KPNA1: variants seen among roughly 807,000 people sequenced by gnomAD.
The protein encoded by KPNA1 is karyopherin subunit alpha 1.
In KPNA1, 10 loss-of-function variants were observed where a neutral mutation model predicts 70.5. The observed-to-expected ratio is 0.14, with a 90% CI of 0.09 to 0.24. The LOEUF is 0.24. KPNA1 is among the 10% of genes least tolerant of loss of function. The pLI, the probability that KPNA1 is intolerant of heterozygous loss-of-function variation, is 1.00. For missense variants in KPNA1, 397 were observed against 637.9 expected (o/e 0.62, Z 4.07); for synonymous variants, 192 against 221.9 (o/e 0.87, Z 1.20).
intron 1 of KPNA1, 84 bp downstream of exon 1, chr3:122,514,673 G>C (rs925703051): frequency 6.6e-6 from 1 of 152,280 alleles, no homozygotes; most frequent in African/African-American, 2.4e-5. Flanking sequence ...CCTCGCCCCA[G>C]GGCCTCTCCT....
chr3:122,510,829 G>C (rs538006605), intron 1 of KPNA1, among the ~76,000 whole-genome samples: 1 of 152,188 alleles, frequency 6.6e-6, no homozygotes, highest in South Asian at 2.1e-4. Context: ...CTGCTTTTCA[G>C]GTATTCTAAT....
intron 9 of KPNA1, among the ~76,000 whole-genome samples, chr3:122,446,886 C>A (rs2076146088): frequency 1.3e-5 from 2 of 152,236 alleles, no homozygotes; most frequent in Middle Eastern, 3.4e-3. Flanking sequence ...AGAATACTAT[C>A]AACACCTCTA....
intron 11 of KPNA1, 77 bp downstream of exon 11, chr3:122,437,093 T>A (rs1160448301): frequency 2.7e-6 from 4 of 1,492,708 alleles, no homozygotes; most frequent in Non-Finnish European, 2.7e-6. Context: ...AACAAATGTG[T>A]TTTAAAGGGT....
rs189813023 is a variant in KPNA1 at position 122,469,514 on chromosome 3, T to G, written c.130-2085A>C. Among the ~76,000 whole-genome samples the G allele has an allele frequency of 1.6e-4, 25 of 152,328 alleles. No homozygotes were observed. In the East Asian group the frequency reaches 4.8e-3, roughly 29 times the overall value. On this transcript the variant is annotated intron_variant, in intron 2 of 13. Transcript: ENST00000344337. ...AAGGTATATAATATCTGGAAAACTT[T>G]GTAATTTCGAGTTGGTCTGGCAATA...
chr3:122,481,522 A>AGCAGAGGGAATGGAGAGTGACT (rs1225269003), intron 2 of KPNA1, among the ~76,000 whole-genome samples: 1 of 152,190 alleles, frequency 6.6e-6, no homozygotes, highest in African/African-American at 2.4e-5. Context: ...CTAAGCGGGG[A>AGCAGAGGGAATGGAGAGTGACT]GCAGAGGGAA....
intron 2 of KPNA1, among the ~76,000 whole-genome samples, chr3:122,494,791 T>C (rs2076738574): frequency 6.6e-6 from 1 of 152,122 alleles, no homozygotes; most frequent in African/African-American, 2.4e-5. Context: ...CAGAATAAAA[T>C]GAACATCGTG....
At chr3:122,429,308 A>G (rs2075865714) in intron 12 of KPNA1, among the ~76,000 whole-genome samples, 1 of 152,020 alleles carries the variant, frequency 6.6e-6, no homozygotes, top group Non-Finnish European at 1.5e-5. Flanking sequence ...AAAATTAGCC[A>G]GACATGGCAG....
intron 11 of KPNA1, among the ~76,000 whole-genome samples, chr3:122,434,337 C>CT (rs1396289554): frequency 6.6e-6 from 1 of 152,198 alleles, no homozygotes; most frequent in East Asian, 1.9e-4. Context: ...TTCTCTTTCA[C>CT]TTTCCTCTTT....
intron 9 of KPNA1, among the ~76,000 whole-genome samples, chr3:122,446,260 A>G (rs1397322889): frequency 6.6e-6 from 1 of 152,210 alleles, no homozygotes; most frequent in Non-Finnish European, 1.5e-5. Flanking sequence ...AAAACTGACC[A>G]CATAATTGGA....
At chr3:122,481,663 T>G (rs973164637) in intron 2 of KPNA1, among the ~76,000 whole-genome samples, 7 of 152,236 alleles carry the variant, frequency 4.6e-5, no homozygotes, top group Non-Finnish European at 1.0e-4. Context: ...TTCAAGTGGG[T>G]GAATTGTACA....
intron 4 of KPNA1, among the ~76,000 whole-genome samples, chr3:122,461,870 T>C (rs936550100): frequency 6.6e-6 from 1 of 152,208 alleles, no homozygotes; most frequent in Non-Finnish European, 1.5e-5. Flanking sequence ...TAAAAACTTA[T>C]AAGGCAAATA....
At chr3:122,486,096 T>C (rs2076626164) in intron 2 of KPNA1, among the ~76,000 whole-genome samples, 2 of 152,120 alleles carry the variant, frequency 1.3e-5, no homozygotes, top group Admixed American at 6.5e-5. Flanking sequence ...ACACCAGCTA[T>C]ACAACCCAGC....
chr3:122,494,303 G>T (rs1202548427), intron 2 of KPNA1, among the ~76,000 whole-genome samples: 1 of 152,120 alleles, frequency 6.6e-6, no homozygotes, highest in Non-Finnish European at 1.5e-5. Flanking sequence ...TCCATCTTGA[G>T]TTAATTTTTG....
chr3:122,491,314 G>A (rs542083618), intron 2 of KPNA1, among the ~76,000 whole-genome samples: 4 of 152,226 alleles, frequency 2.6e-5, no homozygotes, highest in South Asian at 2.1e-4. Context: ...TGAAAAACAC[G>A]ACTGCTCGTC....
intron 6 of KPNA1, among the ~76,000 whole-genome samples, chr3:122,452,902 A>G (rs2076227174): frequency 3.9e-5 from 6 of 152,192 alleles, no homozygotes; most frequent in Admixed American, 2.0e-4. Flanking sequence ...GTGAACAAAA[A>G]GAAACTTGCT....
At chr3:122,469,694 G>C (rs1369318739) in intron 2 of KPNA1, among the ~76,000 whole-genome samples, 1 of 151,988 alleles carries the variant, frequency 6.6e-6, no homozygotes, top group Admixed American at 6.6e-5. Flanking sequence ...CACCAAGCTG[G>C]ACAAAGGCCA....
rs149901312 is a variant in KPNA1, at chr3:122,492,367, T to C, written c.129+4070A>G. Among the ~76,000 whole-genome samples the C allele has an allele frequency of 1.6e-4, 25 of 152,258 alleles. No homozygotes were observed. In the East Asian group the frequency reaches 4.6e-3, roughly 28 times the overall value. On this transcript the variant is annotated intron_variant, in intron 2 of 13. Transcript: ENST00000344337. ...GGCCAAATCATTCAAACTCAAAATT[T>C]TGGTATAAAATAGAAACATGGTTTG...
intron 1 of KPNA1, among the ~76,000 whole-genome samples, chr3:122,505,655 TA>T (rs2076882648): frequency 6.6e-6 from 1 of 152,138 alleles, no homozygotes; most frequent in Non-Finnish European, 1.5e-5. Flanking sequence ...AAAGAAGCAA[TA>T]AACTTAAAAA....
intron 9 of KPNA1, among the ~76,000 whole-genome samples, chr3:122,448,111 G>A (rs1205066608): frequency 6.6e-6 from 1 of 152,202 alleles, no homozygotes; most frequent in Admixed American, 6.5e-5. Flanking sequence ...AGATGCTGGA[G>A]AGGATGTGGA....
Sources: gnomAD v4.1 joint callset for allele counts (sites outside exome capture counted in the v4.1 genomes callset) on GRCh38, gnomAD v4.1.1 for gene constraint, MANE v1.5 for transcripts, NCBI Gene and HGNC (gene_info 2026-07-23, HGNC 2026-07-21) for gene names.